Variants in ABLIM1 observed in about 807,000 individuals in gnomAD.
ABLIM1 encodes actin binding LIM protein 1, also known as actin-binding LIM protein 1.
In ABLIM1, 40 loss-of-function variants were observed where a neutral mutation model predicts 107.0. The ratio of observed to expected loss-of-function variants is 0.37; its 90% CI spans 0.29 to 0.49. The LOEUF (loss-of-function observed/expected upper bound fraction) is 0.49. ABLIM1 is among the 20% of genes least tolerant of loss of function. The probability of loss-of-function intolerance (pLI) is 0.97; values close to 1 mark genes in which losing one functional copy is unlikely to be tolerated. For missense variants in ABLIM1, 857 were observed against 1,008.5 expected, an observed-to-expected ratio of 0.85 and a Z score of 2.04; for synonymous variants, 357 against 357.3, an observed-to-expected ratio of 1.00 and a Z score of 0.01.
rs544039392 is a variant in ABLIM1 at position 114,524,940 on chromosome 10, G to A, written c.894+20065C>T. Reference sequence around the variant, plus strand: ...GTCCTGCCACTGTTCCTTGGACCCCGCCAGGCCTCCCTGGGACTCCAGCCT... The same window carrying A: ...GTCCTGCCACTGTTCCTTGGACCCCACCAGGCCTCCCTGGGACTCCAGCCT... On this transcript the variant is annotated intron_variant, in intron 6 of 22. Coordinates refer to ENST00000533213, the MANE Select transcript of ABLIM1 (RefSeq NM_002313.7). Among the ~76,000 whole-genome samples, 73 of 152,322 alleles carry A rather than the reference G, an allele frequency of 4.8e-4. 1 individual carries two copies. Among genetic ancestry groups the A allele is most frequent in the African/African-American group, 1.7e-3 (72 of 41,570 alleles).
the ABLIM1 span, among the ~76,000 whole-genome samples, chr10:114,797,098 T>A: frequency 1.3e-5 from 2 of 152,250 alleles, no homozygotes; most frequent in Non-Finnish European, 2.9e-5. Flanking sequence ...TAACTTCCTA[T>A]TCTTCCAATT....
At chr10:114,703,381 C>T (rs539461179) in intron 1 of ABLIM1, among the ~76,000 whole-genome samples, 381 of 152,314 alleles carry the variant, frequency 2.5e-3, no homozygotes, top group African/African-American at 8.7e-3. Context: ...ATGGCATGTT[C>T]GTCTTACGGG....
chr10:114,646,228 A>G (rs2141012159), intron 1 of ABLIM1, among the ~76,000 whole-genome samples: 1 of 152,346 alleles, frequency 6.6e-6, no homozygotes, highest in East Asian at 1.9e-4. Flanking sequence ...TGAATAACGT[A>G]TACTAAGAGC....
In ABLIM1 at chr10:114,596,712, C is replaced by T. The variant is rs991650713; in HGVS notation, c.379+5115G>A. On this transcript the variant is annotated intron_variant, in intron 2 of 22. Transcript: ENST00000533213. ...TTTGTGCTATCAACTCTAACTCCTC[C>T]ATCGCAACCCTTTCCCACCTTCATA... Among the ~76,000 whole-genome samples, 37 of 152,306 alleles carry T rather than the reference C, an allele frequency of 2.4e-4. 1 individual carries two copies. The highest frequency in any genetic ancestry group is 4.4e-5 in the Non-Finnish European group (3 of 68,032).
chr10:114,684,445 G>C (rs2080878298), exon 1 of ABLIM1: 1 of 1,573,878 alleles, frequency 6.4e-7, no homozygotes, highest in Non-Finnish European at 8.6e-7. Flanking sequence ...TGGGGCCCTG[G>C]CTCTCCTCCC....
chr10:114,431,481 G>A lies in ABLIM1; in HGVS notation c.*4779C>T, dbSNP rs2058853083. The A allele has an allele frequency of 1.3e-5, 2 of 152,218 alleles. No individual in the cohort carries two copies. Among genetic ancestry groups the A allele is most frequent in the African/African-American group, 2.4e-5 (1 of 41,436 alleles). The allele number at this position is 152,218 out of a possible 1,614,324, so 9.4% of individuals were successfully genotyped here. A position where few individuals can be genotyped will look rare whatever the true frequency, so the allele number is the denominator to read the frequency against. Reference sequence around the variant, plus strand: ...ATCAAAGAACTCAGAGAGCTTCAATGCGGAGTCATCAGCAACTCGCAGGAA... The same window carrying A: ...ATCAAAGAACTCAGAGAGCTTCAATACGGAGTCATCAGCAACTCGCAGGAA... On this transcript the variant is annotated 3_prime_UTR_variant, in exon 23 of 23. Transcript: ENST00000533213.
intron 1 of ABLIM1, among the ~76,000 whole-genome samples, chr10:114,696,988 G>A (rs1167525407): frequency 1.3e-5 from 2 of 152,126 alleles, no homozygotes; most frequent in Non-Finnish European, 2.9e-5. Context: ...CTAAGTCCTA[G>A]GGCTATGCTG....
intron 1 of ABLIM1, among the ~76,000 whole-genome samples, chr10:114,742,123 G>A (rs942821140): frequency 6.6e-6 from 1 of 152,108 alleles, no homozygotes; most frequent in African/African-American, 2.4e-5. Flanking sequence ...TGCTAACCTT[G>A]GCAGAAAGCT....
rs1433996570 is a variant in ABLIM1, at chr10:114,445,388, C to T, written c.1751G>A (p.Arg584His). Residue 584 changes from arginine to histidine, a missense_variant, in exon 16 of 23, where the codon CGC becomes CAC. Physicochemically the swap from Arg to His is conservative, Grantham distance 29. Around this residue, in one of 5 missense-constraint regions of ABLIM1, gnomAD observed 103 missense variants for 101.0 expected, o/e 1.02. Transcript: ENST00000533213. ...SFAVVGPDMK[R>H]RSSGREEDDE... Reference sequence around the variant, plus strand: ...ATCTTCCTCTCTGCCACTAGATCTGCGTTTCATGTCAGGTCCTAATTCCAC... The same window carrying T: ...ATCTTCCTCTCTGCCACTAGATCTGTGTTTCATGTCAGGTCCTAATTCCAC... 7 of 1,613,534 alleles carry T rather than the reference C, an allele frequency of 4.3e-6. No individual in the cohort carries two copies. Among genetic ancestry groups the T allele is most frequent in the East Asian group, 2.2e-5 (1 of 44,862 alleles).
intron 1 of ABLIM1, among the ~76,000 whole-genome samples, chr10:114,635,107 C>G (rs2140840513): frequency 1.3e-5 from 2 of 152,314 alleles, no homozygotes; most frequent in Non-Finnish European, 2.9e-5. Context: ...TCTCATTCCA[C>G]TCAGATGACA....
intron 4 of ABLIM1, among the ~76,000 whole-genome samples, chr10:114,553,410 T>A (rs1002374381): frequency 6.6e-6 from 1 of 152,172 alleles, no homozygotes; most frequent in African/African-American, 2.4e-5. Context: ...GGGAGAAGTA[T>A]CCCATCTTCC....
rs553132154 is a variant in ABLIM1, at chr10:114,551,883, TC to T, written c.674-4108del. 9.9e-5 allele frequency among the ~76,000 whole-genome samples: 15 copies of T among 152,224 alleles called. 1 individual carries two copies. In the East Asian group the frequency reaches 2.9e-3, roughly 29 times the overall value. On this transcript the variant is annotated intron_variant, in intron 4 of 22. Coordinates refer to ENST00000533213, the MANE Select transcript of ABLIM1 (RefSeq NM_002313.7). ...ACAGGTGGTATCTATACCATTGAGC[TC>T]CTCCATGCCCTGCACGGTGCCTCAT...
chr10:114,706,077 A>G (rs147203641), intron 1 of ABLIM1, among the ~76,000 whole-genome samples: 41 of 152,338 alleles, frequency 2.7e-4, no homozygotes, highest in African/African-American at 8.7e-4. Flanking sequence ...AAGAAAGACT[A>G]CAATCCTTCT....
intron 1 of ABLIM1, among the ~76,000 whole-genome samples, chr10:114,703,063 A>G (rs2081339175): frequency 6.6e-6 from 1 of 152,204 alleles, no homozygotes; most frequent in Non-Finnish European, 1.5e-5. Flanking sequence ...TCTTAATAGG[A>G]AAATTCTACA....
At chr10:114,539,884 G>T (rs1382531481) in intron 6 of ABLIM1, among the ~76,000 whole-genome samples, 1 of 151,360 alleles carries the variant, frequency 6.6e-6, no homozygotes, top group African/African-American at 2.4e-5. Flanking sequence ...GGGGGCAGGG[G>T]AAGGGGGAGG....
chr10:114,778,612 C>G, the ABLIM1 span: 1 of 127,382 alleles, frequency 7.9e-6, no homozygotes, highest in Non-Finnish European at 1.7e-5. Context: ...CACACACACA[C>G]ATACATTTTA....
chr10:114,474,392 T>TTTTA (rs1403383295), intron 8 of ABLIM1, among the ~76,000 whole-genome samples: 2 of 151,108 alleles, frequency 1.3e-5, no homozygotes, highest in Non-Finnish European at 3.0e-5. Context: ...ACCTTTTTTT[T>TTTTA]TTTTTTGAGA....
intron 4 of ABLIM1, among the ~76,000 whole-genome samples, chr10:114,565,597 T>C (rs1024093402): frequency 3.9e-5 from 6 of 152,068 alleles, no homozygotes; most frequent in Non-Finnish European, 7.4e-5. Flanking sequence ...AGGGCAGATC[T>C]TTCCTACGCT....
upstream of ABLIM1, among the ~76,000 whole-genome samples, chr10:114,659,883 G>C (rs996317957): frequency 3.3e-5 from 5 of 152,262 alleles, no homozygotes; most frequent in Admixed American, 2.6e-4. Context: ...CCAATAGTCG[G>C]GTCCTTCCAC....
Sources: gnomAD v4.1 joint callset for allele counts (sites outside exome capture counted in the v4.1 genomes callset) on GRCh38, gnomAD v4.1.1 for gene constraint, gnomAD v4.1.1 regional missense constraint, MANE v1.5 for transcripts, NCBI Gene and HGNC (gene_info 2026-07-23, HGNC 2026-07-21) for gene names.